ZNF274: variants seen among roughly 807,000 people sequenced by gnomAD.
ZNF274 encodes the protein zinc finger protein 274.
A neutral mutation model predicts 42.5 loss-of-function variants in ZNF274; 23 were observed. That is an observed-to-expected ratio of 0.54 (90% confidence interval 0.39 to 0.77). ZNF274 has a LOEUF of 0.77. ZNF274 is among the 30% of genes least tolerant of loss of function. ZNF274 has a pLI of 0.00. For synonymous variants in ZNF274, 292 were observed against 305.4 expected, an observed-to-expected ratio of 0.96 and a Z score of 0.46; for missense variants, 679 against 806.5, an observed-to-expected ratio of 0.84 and a Z score of 1.91.
At chr19:58,205,720 G>A (rs572006176) in intron 4 of ZNF274, among the ~76,000 whole-genome samples, 2 of 152,272 alleles carry the variant, frequency 1.3e-5, no homozygotes, top group East Asian at 3.9e-4. Context: ...CAGCATTTCA[G>A]GACAGTCCTG....
chr19:58,199,248 C>G (rs955044367), intron 4 of ZNF274, among the ~76,000 whole-genome samples: 2 of 151,164 alleles, frequency 1.3e-5, no homozygotes, highest in East Asian at 3.9e-4. Context: ...CGCCTGTAAT[C>G]CCAGCTACTT....
rs115134289 is a variant in ZNF274, at chr19:58,207,260, G to C, written c.739+58G>C. 2.5e-4 allele frequency: 381 copies of C among 1,529,374 alleles called. 2 individuals are homozygous for C. In the African/African-American group the frequency reaches 4.1e-3, roughly 16 times the overall value. The allele number at this position is 1,529,374 out of a possible 1,614,324, so 94.7% of individuals were successfully genotyped here. On this transcript the variant is annotated intron_variant, in intron 5 of 7. Transcript: ENST00000617501. This position sits in a 1 kb window ranked among gnomAD's most constrained non-coding sequence, Gnocchi z 5.6. ...ATGAGGGTGTCTTGGAGTACCCTGT[G>C]GGGGAGATAAGAACTCCAGGCTTCC...
Position 58,201,226 on chromosome 19 carries a change from G to A in ZNF274, c.257-5494G>A, listed in dbSNP as rs1045873790. Among the ~76,000 whole-genome samples, 94 of 147,296 alleles carry A rather than the reference G, an allele frequency of 6.4e-4. 2 individuals carry two copies. The highest frequency in any genetic ancestry group is 2.2e-3 in the African/African-American group (87 of 39,670). On this transcript the variant is annotated intron_variant, in intron 4 of 7. Coordinates refer to ENST00000617501, the MANE Select transcript of ZNF274 (RefSeq NM_133502.3). ...GGGGTTTTGCCATGTTGCCCAGGCC[G>A]GTCTAGAACTCCTGGGCTCAAGCGA...
rs1204017398 is a variant in ZNF274, at chr19:58,191,449, C to A, written c.256+4407C>A. ...ACTGCCCCCGGCCCAGCCTCCTGAT[C>A]TTCCTTTTGGTCTTTATGTCTCTGG... On this transcript the variant is annotated intron_variant, in intron 4 of 7. Coordinates refer to ENST00000617501, the MANE Select transcript of ZNF274 (RefSeq NM_133502.3). Among the ~76,000 whole-genome samples the A allele has an allele frequency of 3.9e-5, 6 of 152,164 alleles. No individual in the cohort carries two copies. In the East Asian group the frequency reaches 9.6e-4, roughly 24 times the overall value.
chr19:58,206,901 G>A lies in ZNF274; in HGVS notation c.438G>A (p.Gln146=), dbSNP rs1349261627. 2 of 1,613,536 alleles carry A rather than the reference G, an allele frequency of 1.2e-6. No individual in the cohort carries two copies. Among genetic ancestry groups the A allele is most frequent in the Non-Finnish European group, 1.7e-6 (2 of 1,179,716 alleles). The change falls in exon 5 of 8, where the codon CAG becomes CAA. Residue 146 remains glutamine (Q), a synonymous_variant. Coordinates refer to ENST00000617501, the MANE Select transcript of ZNF274 (RefSeq NM_133502.3). ...TGAGTGCAGATGCCCCCAGTGAGCA[G>A]GTCCAACAGCAGGGCAAGCATCCAG... is the stretch of plus-strand genomic sequence containing the variant. ...GSLSADAPSE[Q]VQQQGKHPGD... is the part of the protein sequence containing the mutation.
chr19:58,192,908 C>G (rs1285402411), intron 4 of ZNF274, among the ~76,000 whole-genome samples: 1 of 152,046 alleles, frequency 6.6e-6, no homozygotes, highest in African/African-American at 2.4e-5. Context: ...TTACGCCTGG[C>G]TAAGTTTTAT....
chr19:58,197,415 G>C (rs563422313), intron 4 of ZNF274, among the ~76,000 whole-genome samples: 18 of 152,306 alleles, frequency 1.2e-4, no homozygotes, highest in African/African-American at 3.4e-4. Flanking sequence ...ATGTCGTAGA[G>C]AAGGCAAACC....
chr19:58,203,575 G>A (rs2075941015), intron 4 of ZNF274, among the ~76,000 whole-genome samples: 3 of 115,650 alleles, frequency 2.6e-5, no homozygotes, highest in African/African-American at 1.2e-4. Flanking sequence ...GCGAAACTCC[G>A]TCTCAAAAAA....
At position 58,188,676 on chromosome 19, in the gene ZNF274, GTATATATATATGTATA is replaced by G. The variant is rs59165406; in HGVS notation, c.256+1636_256+1651del. On this transcript the variant is annotated intron_variant, in intron 4 of 7. Coordinates refer to ENST00000617501, the MANE Select transcript of ZNF274 (RefSeq NM_133502.3). The stretch of plus-strand genomic sequence containing the variant: ...AAAATAGATGTGTGTGTGTGTGTGT[GTATATATATATGTATA>G]TGTATATATATATATATATATATAT... Among the ~76,000 whole-genome samples, 26 of 79,750 alleles carry G rather than the reference GTATATATATATGTATA, an allele frequency of 3.3e-4. 2 individuals are homozygous for G. The highest frequency in any genetic ancestry group is 6.7e-4 in the Admixed American group (4 of 5,932). The allele number at this position is 79,750 out of a possible 152,430, so 52.3% of individuals were successfully genotyped here.
intron 4 of ZNF274, among the ~76,000 whole-genome samples, chr19:58,205,007 C>T (rs556186767): frequency 6.6e-6 from 1 of 152,228 alleles, no homozygotes; most frequent in Non-Finnish European, 1.5e-5. Context: ...TGGCAGTCAT[C>T]TAAGTCCTGA....
At chr19:58,198,335 CTT>C (rs1464533801) in intron 4 of ZNF274, among the ~76,000 whole-genome samples, 7 of 152,250 alleles carry the variant, frequency 4.6e-5, no homozygotes, top group African/African-American at 1.4e-4. Flanking sequence ...TGAGCAACCT[CTT>C]TATGTATTGA....
chr19:58,201,569 T>C (rs1049863971), intron 4 of ZNF274, among the ~76,000 whole-genome samples: 13 of 149,990 alleles, frequency 8.7e-5, no homozygotes, highest in South Asian at 4.2e-4. Context: ...CAGGCTGGAG[T>C]GCAGTGGTGT....
intron 4 of ZNF274, among the ~76,000 whole-genome samples, chr19:58,198,127 G>A (rs1248715875): frequency 5.9e-5 from 9 of 152,034 alleles, no homozygotes; most frequent in Admixed American, 5.2e-4. Context: ...GAAAAAAAAA[G>A]AAGAATAAAT....
intron 3 of ZNF274, chr19:58,186,202 A>G (rs1030009523): frequency 1.3e-5 from 2 of 151,290 alleles, no homozygotes; most frequent in Non-Finnish European, 2.9e-5. Flanking sequence ...AAGAAACTCC[A>G]CAGAAATTCC....
At chr19:58,194,926 G>C (rs568292592) in intron 4 of ZNF274, among the ~76,000 whole-genome samples, 1 of 151,900 alleles carries the variant, frequency 6.6e-6, no homozygotes, top group Non-Finnish European at 1.5e-5. Context: ...GCATGAAGCC[G>C]GGAGGCGGAG....
intron 1 of ZNF274, 44 bp downstream of exon 1, chr19:58,183,486 G>C (rs2075655437): frequency 6.5e-6 from 1 of 153,810 alleles, no homozygotes; most frequent in Non-Finnish European, 1.5e-5. Context: ...GCTGCGCTGG[G>C]CGGGTCCAGA....
rs1481057339 is a variant in ZNF274, at chr19:58,213,105, A to G, written c.1924A>G (p.Asn642Asp). 6.2e-7 allele frequency: 1 copy of G among 1,613,102 alleles called. No individual in the cohort carries two copies. Among genetic ancestry groups the G allele is most frequent in the Non-Finnish European group, 8.5e-7 (1 of 1,179,382 alleles). Residue 642 changes from asparagine (N) to aspartate (D), a missense_variant, in exon 8 of 8, where the codon AAT (asparagine) becomes GAT (aspartate). Asn to Asp is a conservative substitution (Grantham distance 23, BLOSUM62 1). Coordinates refer to ENST00000617501, the MANE Select transcript of ZNF274 (RefSeq NM_133502.3). ...SHLIGHQRTH[N>D]RTKRKKKQPT... Reference sequence around the variant, plus strand: ...CCTTATTGGGCACCAGAGAACCCACAATAGGACAAAGCGAAAGAAGAAACA... The same window carrying G: ...CCTTATTGGGCACCAGAGAACCCACGATAGGACAAAGCGAAAGAAGAAACA...
chr19:58,183,871 C>A, intron 1 of ZNF274, 50 bp from the exon 2 acceptor site: 2 of 1,321,252 alleles, frequency 1.5e-6, no homozygotes, highest in South Asian at 1.3e-5. Flanking sequence ...GGTAGCTCCC[C>A]AGCGGACACC....
chr19:58,203,615 G>T (rs973745548), intron 4 of ZNF274, among the ~76,000 whole-genome samples: 1 of 150,728 alleles, frequency 6.6e-6, no homozygotes, highest in Non-Finnish European at 1.5e-5. Context: ...CGCTGTAATT[G>T]AAAGAAAATA....
Sources: allele counts gnomAD v4.1 joint callset (sites outside exome capture counted in the v4.1 genomes callset), GRCh38; gene constraint gnomAD v4.1.1; non-coding constraint Gnocchi (gnomAD v3.1); transcripts MANE v1.5; gene names NCBI Gene and HGNC (gene_info 2026-07-23, HGNC 2026-07-21).